The following FRMPD1 variants were observed in gnomAD, a reference collection of about 807,000 sequenced individuals.
FRMPD1 encodes the protein FERM and PDZ domain containing 1.
FRMPD1 carries 76 observed loss-of-function variants against 117.8 expected under a neutral mutation model. The ratio of observed to expected loss-of-function variants is 0.65; its 90% confidence interval spans 0.54 to 0.78. The LOEUF (loss-of-function observed/expected upper bound fraction) is 0.78. Among genes scored for constraint, FRMPD1 ranks in the 30% least tolerant of loss-of-function variants. The pLI is 0.00. For synonymous variants in FRMPD1, 783 were observed against 770.4 expected (o/e 1.02, Z -0.27); for missense variants, 1,786 against 1,964.5 (o/e 0.91, Z 1.72).
intron 1 of FRMPD1, among the ~76,000 whole-genome samples, chr9:37,680,978 G>A (rs1039713633): frequency 6.6e-6 from 1 of 152,148 alleles, no homozygotes; most frequent in Non-Finnish European, 1.5e-5. Context: ...GGGAAGCCAA[G>A]GCAGGTAGAT....
chr9:37,703,135 T>C (rs1401598959), intron 2 of FRMPD1, among the ~76,000 whole-genome samples: 1 of 152,186 alleles, frequency 6.6e-6, no homozygotes, highest in Non-Finnish European at 1.5e-5. Context: ...GTTCAAGGAA[T>C]ACCGGTCAAA....
intron 2 of FRMPD1, among the ~76,000 whole-genome samples, chr9:37,699,643 C>T (rs1250416724): frequency 2.0e-5 from 3 of 152,152 alleles, no homozygotes; most frequent in Non-Finnish European, 4.4e-5. Context: ...TTCTCTTATG[C>T]TTAATCTAGA....
chr9:37,671,703 C>T (rs577018935), intron 1 of FRMPD1, among the ~76,000 whole-genome samples: 89 of 152,192 alleles, frequency 5.8e-4, no homozygotes, highest in Non-Finnish European at 1.2e-3. Flanking sequence ...CAGTGACTCA[C>T]TCCTGTAATC....
intron 1 of FRMPD1, among the ~76,000 whole-genome samples, chr9:37,689,209 T>C (rs1391212256): frequency 6.6e-6 from 1 of 152,126 alleles, no homozygotes; most frequent in Non-Finnish European, 1.5e-5. Context: ...TGCACTTGCT[T>C]CCCTTCACCA....
intron 1 of FRMPD1, among the ~76,000 whole-genome samples, chr9:37,660,479 G>A (rs1453926406): frequency 6.6e-6 from 1 of 152,086 alleles, no homozygotes; most frequent in African/African-American, 2.4e-5. Flanking sequence ...GGTCTTACAG[G>A]GACCTTAAGG....
intron 4 of FRMPD1, among the ~76,000 whole-genome samples, chr9:37,710,990 A>T (rs573252699): frequency 2.0e-5 from 3 of 151,886 alleles, no homozygotes; most frequent in Admixed American, 6.6e-5. Context: ...ATTGGGGGAC[A>T]TAAATCTAGC....
At chr9:37,661,389 G>A (rs1316335147) in intron 1 of FRMPD1, among the ~76,000 whole-genome samples, 1 of 152,106 alleles carries the variant, frequency 6.6e-6, no homozygotes, top group Non-Finnish European at 1.5e-5. Flanking sequence ...GAAGATACAG[G>A]GAGGATATAA....
chr9:37,608,437 T>C, the FRMPD1 span, among the ~76,000 whole-genome samples: 1 of 151,782 alleles, frequency 6.6e-6, no homozygotes. Flanking sequence ...CTTTACATCC[T>C]TCCTTCTTTT....
intron 2 of FRMPD1, among the ~76,000 whole-genome samples, chr9:37,707,050 C>CA (rs1446485992): frequency 6.6e-6 from 1 of 152,106 alleles, no homozygotes; most frequent in Non-Finnish European, 1.5e-5. Flanking sequence ...TATAGGTATA[C>CA]CCTAGACATG....
chr9:37,655,776 T>C (rs1820824427), intron 1 of FRMPD1, among the ~76,000 whole-genome samples: 1 of 152,082 alleles, frequency 6.6e-6, no homozygotes, highest in South Asian at 2.1e-4. Context: ...GTGCTGAGAT[T>C]ACAGGCATGA....
Position 37,744,500 on chromosome 9 carries a change from G to A in FRMPD1, c.2468G>A (p.Ser823Asn), listed in dbSNP as rs1824582766. The change falls in exon 16 of 16, where the codon AGC becomes AAC. Residue 823 changes from serine (S) to asparagine (N), a missense_variant. By Grantham distance (46) the Ser-to-Asn change is conservative. Transcript: ENST00000377765. ...TGTGGGCCAGATGGAAGACAGCCAA[G>A]CAGGAGGGGAGGGGTGAAGAAATAT... ...LPCGPDGRQP[S>N]RRGGVKKYAK... The A allele has an allele frequency of 6.2e-7, 1 of 1,614,152 alleles. No homozygotes were observed. The highest frequency in any genetic ancestry group is 8.5e-7 in the Non-Finnish European group (1 of 1,180,012).
chr9:37,667,272 G>A (rs1490280069), intron 1 of FRMPD1, among the ~76,000 whole-genome samples: 1 of 150,706 alleles, frequency 6.6e-6, no homozygotes, highest in African/African-American at 2.4e-5. Flanking sequence ...CACCATGTTG[G>A]CCAGGCTGGT....
intron 1 of FRMPD1, among the ~76,000 whole-genome samples, chr9:37,680,456 G>A (rs372368526): frequency 4.3e-4 from 65 of 152,336 alleles, no homozygotes; most frequent in African/African-American, 1.5e-3. Context: ...CTAGGATGAA[G>A]CTAAAACGAG....
chr9:37,704,477 G>A (rs912074223), intron 2 of FRMPD1, among the ~76,000 whole-genome samples: 7 of 152,084 alleles, frequency 4.6e-5, no homozygotes, highest in South Asian at 2.1e-4. Context: ...CATTTGGACC[G>A]CACTGCTCTA....
At chr9:37,664,379 C>G (rs1821096733) in intron 1 of FRMPD1, among the ~76,000 whole-genome samples, 1 of 152,076 alleles carries the variant, frequency 6.6e-6, no homozygotes, top group South Asian at 2.1e-4. Flanking sequence ...CATAGGTATA[C>G]ATGTGCCTAG....
chr9:37,736,512 C>G (rs1220041392), intron 13 of FRMPD1, among the ~76,000 whole-genome samples: 2 of 126,428 alleles, frequency 1.6e-5, no homozygotes, highest in South Asian at 2.5e-4. Context: ...AGCCTGGTGA[C>G]AAGAGCAAAA....
Position 37,744,426 on chromosome 9 carries a change from A to G in FRMPD1, c.2394A>G (p.Thr798=). 6.2e-7 allele frequency: 1 copy of G among 1,611,678 alleles called. No individual in the cohort carries two copies. The highest frequency in any genetic ancestry group is 8.5e-7 in the Non-Finnish European group (1 of 1,178,642). The change falls in exon 16 of 16, where the codon ACA becomes ACG. Residue 798 remains threonine (T), a synonymous_variant. Transcript: ENST00000377765. ...TTTCTACTGCAGAACCCAGTGCCAC[A>G]AGCTTGCAGAATAAGGCCAGCACTT... is the stretch of plus-strand genomic sequence containing the variant. ...RDVSTAEPSA[T]SLQNKASTSS...
chr9:37,619,754 G>A, the FRMPD1 span, among the ~76,000 whole-genome samples: 17 of 148,086 alleles, frequency 1.1e-4, no homozygotes, highest in Non-Finnish European at 2.4e-4. Flanking sequence ...CGAGACTCCA[G>A]CTCAGAAAAA....
chr9:37,679,352 T>G (rs1302222633), intron 1 of FRMPD1, among the ~76,000 whole-genome samples: 1 of 152,244 alleles, frequency 6.6e-6, no homozygotes, highest in Non-Finnish European at 1.5e-5. Context: ...CATTTGTTTT[T>G]GTAAAACACC....
Sources: allele counts gnomAD v4.1 joint callset (sites outside exome capture counted in the v4.1 genomes callset), GRCh38; gene constraint gnomAD v4.1.1; transcripts MANE v1.5; gene names NCBI Gene and HGNC (gene_info 2026-07-23, HGNC 2026-07-21).